The following CSE1L variants were observed in gnomAD, a reference collection of about 807,000 sequenced individuals.
CSE1L encodes chromosome segregation 1 like.
A neutral mutation model predicts 120.4 loss-of-function variants in CSE1L; 24 were observed. That is an observed-to-expected ratio of 0.20 (90% CI 0.14 to 0.28). CSE1L has a LOEUF of 0.28. CSE1L is among the 10% of genes least tolerant of loss of function. The pLI is 1.00. For missense variants in CSE1L, 830 were observed against 1,145.2 expected, an observed-to-expected ratio of 0.72 and a Z score of 3.97; for synonymous variants, 402 against 398.3, an observed-to-expected ratio of 1.01 and a Z score of -0.11.
At position 49,095,671 on chromosome 20, in the gene CSE1L, T is replaced by G. The variant is rs1303118491; in HGVS notation, c.2827-678T>G. On this transcript the variant is annotated intron_variant, in intron 24 of 24. Transcript: ENST00000262982. ...ATAGATCATGGCATAAACCTAATAATGACTGTATAGTTGCATTTTGTCAGC... is the reference window on the plus strand; with the variant it reads ...ATAGATCATGGCATAAACCTAATAAGGACTGTATAGTTGCATTTTGTCAGC... Among the ~76,000 whole-genome samples the G allele has an allele frequency of 7.9e-5, 12 of 152,066 alleles. No homozygotes were observed. The East Asian group carries it at 2.3e-3, about 29-fold the overall frequency.
chr20:49,059,861 CAG>C (rs1370960255), intron 2 of CSE1L, among the ~76,000 whole-genome samples: 1 of 151,674 alleles, frequency 6.6e-6, no homozygotes, highest in East Asian at 1.9e-4. Flanking sequence ...GCCTGGGTGA[CAG>C]AGCGAGACGT....
chr20:49,073,078 C>A (rs144917830), intron 10 of CSE1L, among the ~76,000 whole-genome samples: 54 of 150,774 alleles, frequency 3.6e-4, no homozygotes, highest in African/African-American at 1.3e-3. Flanking sequence ...GTGATGCAAT[C>A]TTGGCTCACT....
At chr20:49,087,794 C>T (rs1568785744) in intron 16 of CSE1L, among the ~76,000 whole-genome samples, 1 of 152,074 alleles carries the variant, frequency 6.6e-6, no homozygotes, top group Non-Finnish European at 1.5e-5. Context: ...TCTAGAAATA[C>T]TCAGTATTTC....
At position 49,072,471 on chromosome 20, in the gene CSE1L, A is replaced by T. The variant is rs369149977; in HGVS notation, c.936+18A>T. On this transcript the variant is annotated intron_variant, in intron 9 of 24. Coordinates refer to ENST00000262982, the MANE Select transcript of CSE1L (RefSeq NM_001316.4). ...ATGATTTGGTAAGATGATGGTGGAG[A>T]CAAATAATTAAAAGACATTCTCTCC... 1 of 1,610,940 alleles carries T rather than the reference A, an allele frequency of 6.2e-7. No individual in the cohort carries two copies.
At chr20:49,071,758 C>T (rs1024348230) in intron 8 of CSE1L, among the ~76,000 whole-genome samples, 3 of 151,938 alleles carry the variant, frequency 2.0e-5, no homozygotes, top group East Asian at 3.9e-4. Flanking sequence ...TTTGGGAGGC[C>T]GAGGCCATCC....
chr20:49,047,808 A>G (rs1015589673), intron 1 of CSE1L, among the ~76,000 whole-genome samples: 8 of 150,802 alleles, frequency 5.3e-5, no homozygotes, highest in Admixed American at 1.3e-4. Context: ...TGTCTAATCA[A>G]CCTGTCTAGG....
chr20:49,055,352 C>G lies in CSE1L; in HGVS notation c.-11-3101C>G, dbSNP rs145430131. Among the ~76,000 whole-genome samples, 502 of 152,228 alleles carry G rather than the reference C, an allele frequency of 3.3e-3. 5 individuals are homozygous for G. The highest frequency in any genetic ancestry group is 0.014 in the Middle Eastern group (4 of 294). ...CCTGTACTTGGCATTTCAGTTGTGT[C>G]TTGTCTTCTGAACTATTACAGAAGC... On this transcript the variant is annotated intron_variant, in intron 1 of 24. Coordinates refer to ENST00000262982, the MANE Select transcript of CSE1L (RefSeq NM_001316.4).
intron 12 of CSE1L, among the ~76,000 whole-genome samples, chr20:49,076,564 C>G (rs1440824325): frequency 9.2e-6 from 1 of 108,812 alleles, no homozygotes; most frequent in Non-Finnish European, 1.7e-5. Context: ...TTGTCTTGCT[C>G]TGTCATCCAG....
In CSE1L at chr20:49,066,424, G is replaced by A; in HGVS notation, c.390G>A (p.Leu130=). Residue 130 remains leucine (L), a synonymous_variant, in exon 5 of 25, where the codon TTG becomes TTA. Coordinates refer to ENST00000262982, the MANE Select transcript of CSE1L (RefSeq NM_001316.4). Reference sequence around the variant, plus strand: ...ATTTTCCACAGAAATGGCCTGACTTGCTGACAGAAATGGTGAATCGCTTTC... The same window carrying A: ...ATTTTCCACAGAAATGGCCTGACTTACTGACAGAAATGGTGAATCGCTTTC... ...REDFPQKWPD[L]LTEMVNRFQS... is the part of the protein sequence containing the mutation. 1 of 1,614,174 alleles carries A rather than the reference G, an allele frequency of 6.2e-7. No individual in the cohort carries two copies. Among genetic ancestry groups the A allele is most frequent in the Non-Finnish European group, 8.5e-7 (1 of 1,180,024 alleles).
At chr20:49,051,796 T>G (rs2091768167) in intron 1 of CSE1L, among the ~76,000 whole-genome samples, 1 of 152,176 alleles carries the variant, frequency 6.6e-6, no homozygotes, top group Non-Finnish European at 1.5e-5. Flanking sequence ...ATTCTGAGCT[T>G]AACCAGTCCT....
rs375924098 is a variant in CSE1L at position 49,089,366 on chromosome 20, G to C, written c.1941G>C (p.Val647=). ...VVNFEEALFL[V]FTEILQNDVQ... Reference sequence around the variant, plus strand: ...ATTTTGAGGAGGCTTTGTTTTTGGTGTTTACTGAAATCTTACAAAATGATG... The same window carrying C: ...ATTTTGAGGAGGCTTTGTTTTTGGTCTTTACTGAAATCTTACAAAATGATG... The change falls in exon 18 of 25, where the codon GTG becomes GTC. Residue 647 remains valine (V), a synonymous_variant. Coordinates refer to ENST00000262982, the MANE Select transcript of CSE1L (RefSeq NM_001316.4). The C allele has an allele frequency of 8.1e-6, 13 of 1,610,556 alleles. No individual in the cohort carries two copies. The highest frequency in any genetic ancestry group is 1.3e-5 in the African/African-American group (1 of 74,762).
At chr20:49,085,562 ATTTTTTTTTTTTT>A (rs11471947) in intron 16 of CSE1L, among the ~76,000 whole-genome samples, 176 bp downstream of exon 16, 3 of 80,200 alleles carry the variant, frequency 3.7e-5, no homozygotes, top group South Asian at 4.6e-4. Context: ...ACTAACAATA[ATTTTTTTTTTTTT>A]TTTTTTTTTT....
intron 23 of CSE1L, 45 bp from the exon 24 acceptor site, chr20:49,094,687 G>T: frequency 7.4e-7 from 1 of 1,358,856 alleles, no homozygotes; most frequent in South Asian, 1.2e-5. Context: ...TAAGTCTTCC[G>T]AGTATTTTCT....
At position 49,089,226 on chromosome 20, in the gene CSE1L, GTTT is replaced by G. The variant is rs3092348; in HGVS notation, c.1822-11_1822-9del. On this transcript the variant is annotated intron_variant, in intron 17 of 24. Coordinates refer to ENST00000262982, the MANE Select transcript of CSE1L (RefSeq NM_001316.4). ...AGGTGTGGATTATTAGCATAATTAGGTTTTTTTTTTTTAATTTCAGAACCCAAG... is the reference window on the plus strand; with the variant it reads ...AGGTGTGGATTATTAGCATAATTAGGTTTTTTTTTAATTTCAGAACCCAAG... 258 of 1,320,572 alleles carry G rather than the reference GTTT, an allele frequency of 2.0e-4. No individual in the cohort carries two copies. Among genetic ancestry groups the G allele is most frequent in the Middle Eastern group, 2.7e-4 (1 of 3,722 alleles). The allele number at this position is 1,320,572 out of a possible 1,614,324, so 81.8% of individuals were successfully genotyped here. A position where few individuals can be genotyped will look rare whatever the true frequency, so the allele number is the denominator to read the frequency against.
Position 49,075,297 on chromosome 20 carries a change from T to A in CSE1L, c.1133-21T>A, listed in dbSNP as rs557935751. On this transcript the variant is annotated intron_variant, in intron 11 of 24. Transcript: ENST00000262982. ...GTGGTTGTTTTTTTTCCCCATAATATATTTTCTTTTCATTTCATAGATATT... is the reference window on the plus strand; with the variant it reads ...GTGGTTGTTTTTTTTCCCCATAATAAATTTTCTTTTCATTTCATAGATATT... 3 of 1,580,846 alleles carry A rather than the reference T, an allele frequency of 1.9e-6. No homozygotes were observed. In the South Asian group the frequency reaches 3.4e-5, roughly 18 times the overall value.
At chr20:49,075,223 C>G in intron 11 of CSE1L, 95 bp from the exon 12 acceptor site, 1 of 1,034,018 alleles carries the variant, frequency 9.7e-7, no homozygotes. Context: ...CAATCGTAGC[C>G]AAATTATTCC....
chr20:49,062,679 A>G (rs906036168), intron 2 of CSE1L, among the ~76,000 whole-genome samples: 2 of 151,988 alleles, frequency 1.3e-5, no homozygotes, highest in Non-Finnish European at 2.9e-5. Context: ...TTTAAATGCT[A>G]TCTACTTTTC....
At chr20:49,073,802 T>G (rs529741401) in intron 10 of CSE1L, among the ~76,000 whole-genome samples, 1 of 152,208 alleles carries the variant, frequency 6.6e-6, no homozygotes, top group African/African-American at 2.4e-5. Context: ...TTGTTTTATA[T>G]CAAAATAGTT....
At position 49,076,497 on chromosome 20, in the gene CSE1L, T is replaced by C. The variant is rs1412993913; in HGVS notation, c.1336-483T>C. Among the ~76,000 whole-genome samples, 3 of 147,924 alleles carry C rather than the reference T, an allele frequency of 2.0e-5. No homozygotes were observed. In the East Asian group the frequency reaches 6.1e-4, roughly 30 times the overall value. Reference sequence around the variant, plus strand: ...CACCATGCCTAGCCTAAGCAGTTCATGTTTTGAAGTGTCCCTCTCTCTCTT... The same window carrying C: ...CACCATGCCTAGCCTAAGCAGTTCACGTTTTGAAGTGTCCCTCTCTCTCTT... On this transcript the variant is annotated intron_variant, in intron 12 of 24. Transcript: ENST00000262982.
Sources: allele counts gnomAD v4.1 joint callset (sites outside exome capture counted in the v4.1 genomes callset), GRCh38; gene constraint gnomAD v4.1.1; transcripts MANE v1.5; gene names NCBI Gene and HGNC (gene_info 2026-07-23, HGNC 2026-07-21).